NFIC: variants seen among roughly 807,000 people sequenced by gnomAD.
NFIC encodes the protein nuclear factor I C.
NFIC carries 12 observed loss-of-function variants against 54.4 expected under a neutral mutation model. The ratio of observed to expected loss-of-function variants is 0.22; its 90% CI spans 0.14 to 0.36. The LOEUF (loss-of-function observed/expected upper bound fraction) is 0.36. NFIC is among the 10% of genes least tolerant of loss of function. The pLI, the probability that NFIC is intolerant of heterozygous loss-of-function variation, is 1.00. For missense variants in NFIC, 575 were observed against 718.2 expected (o/e 0.80, Z 2.28); for synonymous variants, 322 against 319.2 (o/e 1.01, Z -0.09).
At chr19:3,374,249 G>A (rs1305701405) in intron 1 of NFIC, among the ~76,000 whole-genome samples, 1 of 152,176 alleles carries the variant, frequency 6.6e-6, no homozygotes, top group African/African-American at 2.4e-5. Context: ...GTTCAGCAAG[G>A]TCTTGGGTCC....
chr19:3,441,618 C>T (rs1319303798), intron 6 of NFIC, among the ~76,000 whole-genome samples: 1 of 152,238 alleles, frequency 6.6e-6, no homozygotes, highest in Non-Finnish European at 1.5e-5. Flanking sequence ...CCAGTGGGGC[C>T]CAGCTGTAAC....
Position 3,453,691 on chromosome 19 carries a change from G to A in NFIC, c.1270-72G>A. 1 of 1,516,724 alleles carries A rather than the reference G, an allele frequency of 6.6e-7. No homozygotes were observed. The highest frequency in any genetic ancestry group is 8.8e-7 in the Non-Finnish European group (1 of 1,138,244). 94.0% of individuals were successfully genotyped at this position (1,516,724 alleles called of 1,614,324 possible). ...CGTCCGGGCCGTGCACAGAGCCGGG[G>A]GCGGCCGGCGCCAGCAGCCCGAGGT... On this transcript the variant is annotated intron_variant, in intron 8 of 10. Transcript: ENST00000443272. This position sits in a 1 kb window ranked among gnomAD's most constrained non-coding sequence, Gnocchi z 6.7.
chr19:3,373,205 G>A (rs1003329985), intron 1 of NFIC, among the ~76,000 whole-genome samples: 7 of 152,144 alleles, frequency 4.6e-5, no homozygotes, highest in Non-Finnish European at 8.8e-5. Context: ...GCACAGCCTC[G>A]CTCCCTGCCT....
chr19:3,406,336 C>T (rs762380794), intron 2 of NFIC, among the ~76,000 whole-genome samples: 7 of 125,930 alleles, frequency 5.6e-5, no homozygotes, highest in African/African-American at 1.2e-4. Flanking sequence ...TCAAGTGATC[C>T]GCCTGCCTTG....
At position 3,394,518 on chromosome 19, in the gene NFIC, CA is replaced by C. The variant is rs796770282; in HGVS notation, c.562+12276del. ...TCGAGGTATTTTATGATCTTTTCCC[CA>C]CCCACCCCCCACCCGCTTACACTAA... On this transcript the variant is annotated intron_variant, in intron 2 of 10. Coordinates refer to ENST00000443272, the MANE Select transcript of NFIC (RefSeq NM_001245002.2). Among the ~76,000 whole-genome samples the C allele has an allele frequency of 1.6e-3, 56 of 33,986 alleles. 2 individuals carry two copies. Among genetic ancestry groups the C allele is most frequent in the African/African-American group, 4.2e-3 (42 of 10,120 alleles). The allele number at this position is 33,986 out of a possible 152,430, so 22.3% of individuals were successfully genotyped here.
intron 2 of NFIC, among the ~76,000 whole-genome samples, chr19:3,415,300 T>C (rs1315261591): frequency 1.3e-5 from 2 of 151,788 alleles, no homozygotes; most frequent in Non-Finnish European, 2.9e-5. Flanking sequence ...TTGGTACTTT[T>C]AGTAGAGATG....
chr19:3,417,494 G>A (rs914461757), intron 2 of NFIC, among the ~76,000 whole-genome samples: 6 of 152,188 alleles, frequency 3.9e-5, no homozygotes, highest in African/African-American at 1.4e-4. Context: ...TTGGGGCTGT[G>A]GAAGTTAGCC....
intron 6 of NFIC, among the ~76,000 whole-genome samples, chr19:3,442,294 G>T (rs1301266935): frequency 1.3e-5 from 2 of 152,108 alleles, no homozygotes; most frequent in Non-Finnish European, 2.9e-5. Flanking sequence ...AGGCGACAAA[G>T]GTCCCGTCCA....
chr19:3,423,826 G>C (rs1190557933), intron 2 of NFIC, among the ~76,000 whole-genome samples: 1 of 152,052 alleles, frequency 6.6e-6, no homozygotes, highest in East Asian at 1.9e-4. Context: ...TCCCTGAACG[G>C]CAACCCAGGA....
intron 1 of NFIC, among the ~76,000 whole-genome samples, chr19:3,367,347 C>G (rs946599875): frequency 6.6e-6 from 1 of 152,200 alleles, no homozygotes; most frequent in Non-Finnish European, 1.5e-5. Context: ...TTCGCTGCAT[C>G]GATTCTGGAT....
chr19:3,452,322 G>A lies in NFIC; in HGVS notation c.1085-160G>A, dbSNP rs1208074563. ...TTGCCGTGGGAGTCGGGGAATTTGG[G>A]TGTCAATGTGGTCAGTGCTGCTGGG... On this transcript the variant is annotated intron_variant, in intron 7 of 10. Coordinates refer to ENST00000443272, the MANE Select transcript of NFIC (RefSeq NM_001245002.2). This position sits in a 1 kb window ranked among gnomAD's most constrained non-coding sequence, Gnocchi z 5.3. Among the ~76,000 whole-genome samples, 1 of 152,034 alleles carries A rather than the reference G, an allele frequency of 6.6e-6. No individual in the cohort carries two copies. The highest frequency in any genetic ancestry group is 1.5e-5 in the Non-Finnish European group (1 of 67,998).
At chr19:3,440,044 G>A (rs181487620) in intron 6 of NFIC, among the ~76,000 whole-genome samples, 5 of 152,242 alleles carry the variant, frequency 3.3e-5, no homozygotes, top group African/African-American at 4.8e-5. Context: ...CGTAAAGCAC[G>A]CACCTGGGGC....
chr19:3,368,651 C>A (rs1405118670), intron 1 of NFIC, among the ~76,000 whole-genome samples: 1 of 152,090 alleles, frequency 6.6e-6, no homozygotes, highest in Non-Finnish European at 1.5e-5. Flanking sequence ...CACCCCAGCC[C>A]TGTAGTGGAG....
At chr19:3,397,259 A>C (rs1048891387) in intron 2 of NFIC, among the ~76,000 whole-genome samples, 4 of 152,208 alleles carry the variant, frequency 2.6e-5, no homozygotes, top group African/African-American at 9.6e-5. Flanking sequence ...GAGCACAGTC[A>C]GGATTTAAAT....
At chr19:3,418,111 T>G (rs1322373232) in intron 2 of NFIC, among the ~76,000 whole-genome samples, 4 of 150,214 alleles carry the variant, frequency 2.7e-5, no homozygotes, top group Admixed American at 2.7e-4. Flanking sequence ...TTTTTTTTTT[T>G]TTTTTGAGAC....
At chr19:3,385,045 C>T (rs1182255747) in intron 2 of NFIC, among the ~76,000 whole-genome samples, 1 of 145,190 alleles carries the variant, frequency 6.9e-6, no homozygotes, top group Non-Finnish European at 1.5e-5. Context: ...CGCCTCTGCT[C>T]AGCAGGCAGG....
chr19:3,454,482 T>G (rs1481538855), intron 9 of NFIC: 1 of 157,454 alleles, frequency 6.4e-6, no homozygotes, highest in Non-Finnish European at 1.4e-5. Flanking sequence ...AGCCCCTGGG[T>G]TGGCGGCTGC....
intron 6 of NFIC, among the ~76,000 whole-genome samples, chr19:3,439,162 T>C (rs149497392): frequency 2.2e-5 from 3 of 138,624 alleles, no homozygotes; most frequent in African/African-American, 8.8e-5. Flanking sequence ...CAAGACCCCA[T>C]CTCTACTTAA....
chr19:3,425,097 T>C lies in NFIC; in HGVS notation c.563-9T>C, dbSNP rs1429025123. 3 of 1,613,294 alleles carry C rather than the reference T, an allele frequency of 1.9e-6. No individual in the cohort carries two copies. The highest frequency in any genetic ancestry group is 2.5e-6 in the Non-Finnish European group (3 of 1,179,884). ...TGATGCCACCAGTGTTTCTTCCCTC[T>C]CTTTGCAGATGCAGAGCAAAGCGGC... On this transcript the variant is annotated splice_polypyrimidine_tract_variant and intron_variant, in intron 2 of 10. Coordinates refer to ENST00000443272, the MANE Select transcript of NFIC (RefSeq NM_001245002.2).
Sources: allele counts gnomAD v4.1 joint callset (sites outside exome capture counted in the v4.1 genomes callset), GRCh38; gene constraint gnomAD v4.1.1; non-coding constraint Gnocchi (gnomAD v3.1); transcripts MANE v1.5; gene names NCBI Gene and HGNC (gene_info 2026-07-23, HGNC 2026-07-21).